SLC10A7: variants seen among roughly 807,000 people sequenced by gnomAD.
SLC10A7 encodes sodium/bile acid cotransporter 7.
A neutral mutation model predicts 43.2 loss-of-function variants in SLC10A7; 29 were observed. That is an observed-to-expected ratio of 0.67 (90% CI 0.50 to 0.92). The LOEUF (loss-of-function observed/expected upper bound fraction) is 0.92. SLC10A7 is among the 40% of genes least tolerant of loss of function. The pLI, the probability that SLC10A7 is intolerant of heterozygous loss-of-function variation, is 0.00. For missense variants in SLC10A7, 295 were observed against 403.2 expected, an observed-to-expected ratio of 0.73 and a Z score of 2.30; for synonymous variants, 152 against 144.8, an observed-to-expected ratio of 1.05 and a Z score of -0.35.
intron 4 of SLC10A7, among the ~76,000 whole-genome samples, chr4:146,467,170 G>A (rs1733103754): frequency 6.6e-6 from 1 of 152,046 alleles, no homozygotes; most frequent in Non-Finnish European, 1.5e-5. Flanking sequence ...GTTTCCTCTT[G>A]GTAACTTTTC....
chr4:146,351,412 G>T (rs1189075491), intron 5 of SLC10A7, among the ~76,000 whole-genome samples: 1 of 152,130 alleles, frequency 6.6e-6, no homozygotes, highest in African/African-American at 2.4e-5. Context: ...CGTCTGATTG[G>T]TGTACCTGAA....
intron 10 of SLC10A7, among the ~76,000 whole-genome samples, chr4:146,263,589 T>A (rs550866579): frequency 6.6e-6 from 1 of 152,322 alleles, no homozygotes; most frequent in Admixed American, 6.5e-5. Context: ...ATCACTGCGG[T>A]AATATAAATG....
intron 5 of SLC10A7, among the ~76,000 whole-genome samples, chr4:146,359,179 T>C (rs1475995080): frequency 1.3e-5 from 2 of 152,132 alleles, no homozygotes; most frequent in Non-Finnish European, 2.9e-5. Flanking sequence ...ATATTATCCA[T>C]TATGAAGTAC....
At chr4:146,388,937 C>A (rs1251307540) in intron 5 of SLC10A7, among the ~76,000 whole-genome samples, 2 of 152,052 alleles carry the variant, frequency 1.3e-5, no homozygotes, top group African/African-American at 4.8e-5. Flanking sequence ...AAATAATTAA[C>A]AGAGCAAATA....
intron 9 of SLC10A7, among the ~76,000 whole-genome samples, chr4:146,289,328 A>G (rs1730246510): frequency 6.6e-6 from 1 of 152,192 alleles, no homozygotes; most frequent in Non-Finnish European, 1.5e-5. Context: ...TCTCACTGGA[A>G]ATGTACTGAT....
intron 4 of SLC10A7, among the ~76,000 whole-genome samples, chr4:146,465,776 T>C (rs921696376): frequency 6.6e-6 from 1 of 152,182 alleles, no homozygotes; most frequent in Non-Finnish European, 1.5e-5. Flanking sequence ...AGTCATTCTC[T>C]GCAGTTCTTA....
At chr4:146,369,625 C>T (rs999457281) in intron 5 of SLC10A7, among the ~76,000 whole-genome samples, 4 of 152,118 alleles carry the variant, frequency 2.6e-5, no homozygotes, top group Non-Finnish European at 4.4e-5. Flanking sequence ...AGACAAATGA[C>T]GCTTACTCCT....
At chr4:146,406,518 G>A (rs190736586) in intron 5 of SLC10A7, among the ~76,000 whole-genome samples, 4 of 152,268 alleles carry the variant, frequency 2.6e-5, no homozygotes, top group Admixed American at 2.0e-4. Flanking sequence ...GCCTTGCCAT[G>A]TCCTGAAAGC....
At chr4:146,305,319 G>A (rs529817706) in intron 7 of SLC10A7, among the ~76,000 whole-genome samples, 178 of 150,772 alleles carry the variant, frequency 1.2e-3, no homozygotes, top group African/African-American at 3.9e-3. Context: ...GTAAACTATC[G>A]CAACAACAAA....
chr4:146,507,552 T>C (rs1003039693), intron 3 of SLC10A7, among the ~76,000 whole-genome samples: 6 of 152,008 alleles, frequency 3.9e-5, no homozygotes, highest in Non-Finnish European at 7.4e-5. Flanking sequence ...AGAGTGAGAC[T>C]CTGTCTCAAA....
intron 5 of SLC10A7, among the ~76,000 whole-genome samples, chr4:146,389,405 A>G (rs1280454267): frequency 6.6e-6 from 1 of 152,152 alleles, no homozygotes; most frequent in Admixed American, 6.5e-5. Flanking sequence ...GTTGTCTGCA[A>G]CCTGGAAGAA....
chr4:146,355,647 T>C lies in SLC10A7; in HGVS notation c.436-29651A>G, dbSNP rs1365333646. On this transcript the variant is annotated intron_variant, in intron 5 of 11. Transcript: ENST00000335472. The stretch of plus-strand genomic sequence containing the variant: ...AAGACTTGGAACCAACGCAAATGTC[T>C]AACAATGATAGACTGGATTAAGAAA... Among the ~76,000 whole-genome samples the C allele has an allele frequency of 8.4e-3, 1,276 of 151,416 alleles. 15 individuals carry two copies. The highest frequency in any genetic ancestry group is 0.029 in the African/African-American group (1,187 of 40,790).
At chr4:146,519,216 C>CTGAGAGAGAATATA (rs1301090799) in intron 1 of SLC10A7, among the ~76,000 whole-genome samples, 1 of 135,652 alleles carries the variant, frequency 7.4e-6, no homozygotes, top group Non-Finnish European at 1.6e-5. Context: ...CAAGGCCCCT[C>CTGAGAGAGAATATA]TGAGAGAGAA....
At chr4:146,417,143 A>G (rs1307674717) in intron 5 of SLC10A7, among the ~76,000 whole-genome samples, 1 of 152,234 alleles carries the variant, frequency 6.6e-6, no homozygotes, top group East Asian at 1.9e-4. Context: ...ATACATTTTC[A>G]TAGCCTCACT....
chr4:146,334,234 CA>C (rs1733729148), intron 5 of SLC10A7, among the ~76,000 whole-genome samples: 1 of 152,064 alleles, frequency 6.6e-6, no homozygotes, highest in African/African-American at 2.4e-5. Context: ...GACTGAAACT[CA>C]GAATAGGGTC....
In SLC10A7 at chr4:146,327,919, A is replaced by G. The variant is rs150511995; in HGVS notation, c.436-1923T>C. Among the ~76,000 whole-genome samples, 11 of 151,706 alleles carry G rather than the reference A, an allele frequency of 7.3e-5. No homozygotes were observed. In the East Asian group the frequency reaches 2.2e-3, roughly 30 times the overall value. ...CATCTGAGGGTCTGGAGATCAATAT[A>G]TGCCACTCACTGGCATCTGCAGGCA... On this transcript the variant is annotated intron_variant, in intron 5 of 11. Coordinates refer to ENST00000335472, the MANE Select transcript of SLC10A7 (RefSeq NM_001029998.6).
chr4:146,472,236 G>A (rs539189711), intron 4 of SLC10A7, among the ~76,000 whole-genome samples: 4 of 152,132 alleles, frequency 2.6e-5, no homozygotes, highest in African/African-American at 7.2e-5. Flanking sequence ...CAAGTTAAGC[G>A]CCTGTTTAGA....
intron 10 of SLC10A7, among the ~76,000 whole-genome samples, chr4:146,281,112 T>C (rs1729520778): frequency 3.9e-5 from 6 of 152,138 alleles, no homozygotes; most frequent in Admixed American, 2.6e-4. Context: ...AACTACTTCA[T>C]AGCACCTATC....
chr4:146,317,126 C>G (rs1439950679), intron 6 of SLC10A7, among the ~76,000 whole-genome samples: 1 of 152,050 alleles, frequency 6.6e-6, no homozygotes, highest in African/African-American at 2.4e-5. Context: ...AAAGTGTACT[C>G]AGTTCCTTCA....
Sources: allele counts gnomAD v4.1 joint callset (sites outside exome capture counted in the v4.1 genomes callset), GRCh38; gene constraint gnomAD v4.1.1; transcripts MANE v1.5; gene names NCBI Gene and HGNC (gene_info 2026-07-23, HGNC 2026-07-21).